Variants in TAX1BP1 observed in about 807,000 individuals in gnomAD.
The protein encoded by TAX1BP1 is tax1-binding protein 1.
Under a neutral mutation model 97.7 loss-of-function variants are expected in TAX1BP1, and 62 were observed. That is an observed-to-expected ratio of 0.63 (90% CI 0.52 to 0.78). TAX1BP1 has a LOEUF of 0.78. TAX1BP1 is among the 30% of genes least tolerant of loss of function. The pLI, the probability that TAX1BP1 is intolerant of heterozygous loss-of-function variation, is 0.00. For missense variants in TAX1BP1, 867 were observed against 916.1 expected, an observed-to-expected ratio of 0.95 and a Z score of 0.69; for synonymous variants, 340 against 304.2, an observed-to-expected ratio of 1.12 and a Z score of -1.23.
chr7:27,767,834 G>C (rs1017522146), intron 4 of TAX1BP1, among the ~76,000 whole-genome samples: 12 of 151,942 alleles, frequency 7.9e-5, no homozygotes, highest in Admixed American at 7.9e-4. Context: ...GAAAATTGCT[G>C]TTTCTTAAGT....
intron 5 of TAX1BP1, among the ~76,000 whole-genome samples, chr7:27,779,409 T>C (rs1463944938): frequency 6.6e-6 from 1 of 152,222 alleles, no homozygotes; most frequent in Non-Finnish European, 1.5e-5. Flanking sequence ...TGTTTTTGGA[T>C]TAAGTGTACT....
chr7:27,826,869 C>T (rs1583414797), intron 15 of TAX1BP1, among the ~76,000 whole-genome samples: 1 of 152,298 alleles, frequency 6.6e-6, no homozygotes. Context: ...TGCTTTAACA[C>T]GTGTTAATCC....
intron 8 of TAX1BP1, among the ~76,000 whole-genome samples, chr7:27,789,465 T>C (rs1347251937): frequency 1.3e-5 from 2 of 152,030 alleles, no homozygotes; most frequent in Non-Finnish European, 2.9e-5. Flanking sequence ...TTCTAGTTTA[T>C]TCTTATGTTT....
intron 1 of TAX1BP1, among the ~76,000 whole-genome samples, chr7:27,740,833 G>T (rs994712918): frequency 3.3e-5 from 5 of 152,208 alleles, no homozygotes; most frequent in Non-Finnish European, 7.3e-5. Flanking sequence ...TGAGGGCCGC[G>T]GGCGGAGTTG....
intron 8 of TAX1BP1, among the ~76,000 whole-genome samples, 192 bp from the exon 9 acceptor site, chr7:27,791,814 T>C (rs568007706): frequency 2.0e-5 from 3 of 152,250 alleles, no homozygotes; most frequent in Admixed American, 1.3e-4. Flanking sequence ...ACCAAGTACA[T>C]AGGGTTGTTA....
intron 1 of TAX1BP1, among the ~76,000 whole-genome samples, chr7:27,743,229 G>A (rs1405098830): frequency 6.6e-6 from 1 of 152,250 alleles, no homozygotes; most frequent in African/African-American, 2.4e-5. Flanking sequence ...CAAATTAATA[G>A]ACTGGGGCTT....
chr7:27,761,482 A>T (rs757549517), intron 3 of TAX1BP1, among the ~76,000 whole-genome samples: 3 of 152,200 alleles, frequency 2.0e-5, no homozygotes, highest in Non-Finnish European at 4.4e-5. Flanking sequence ...GTGTCCCACC[A>T]ACTCATCTCT....
At chr7:27,790,383 C>T (rs558597657) in intron 8 of TAX1BP1, among the ~76,000 whole-genome samples, 57 of 151,536 alleles carry the variant, frequency 3.8e-4, no homozygotes, top group African/African-American at 1.2e-3. Flanking sequence ...ATTTATAATC[C>T]GTAGAATAAG....
At chr7:27,786,378 C>T (rs957587583) in intron 7 of TAX1BP1, among the ~76,000 whole-genome samples, 3 of 152,156 alleles carry the variant, frequency 2.0e-5, no homozygotes, top group Non-Finnish European at 4.4e-5. Flanking sequence ...GCCTCAGCCT[C>T]CCAAAGTGCT....
At chr7:27,760,548 A>G (rs1164151379) in intron 3 of TAX1BP1, among the ~76,000 whole-genome samples, 3 of 151,984 alleles carry the variant, frequency 2.0e-5, no homozygotes, top group African/African-American at 4.8e-5. Flanking sequence ...GCCCGCCACC[A>G]TGCCTGGCTA....
In TAX1BP1 at chr7:27,809,589, A is replaced by G. The variant is rs187015445; in HGVS notation, c.1765-6760A>G. Among the ~76,000 whole-genome samples the G allele has an allele frequency of 4.7e-3, 719 of 152,262 alleles. 22 individuals are homozygous for G. Among genetic ancestry groups the G allele is most frequent in the Non-Finnish European group, 7.2e-4 (49 of 68,026 alleles). ...TTTGCAAAAGAACCTAACCTTAACT[A>G]TCTTGTCCATGTGCATGCATTCTCT... is the stretch of plus-strand genomic sequence containing the variant. On this transcript the variant is annotated intron_variant, in intron 13 of 16. Coordinates refer to ENST00000396319, the MANE Select transcript of TAX1BP1 (RefSeq NM_006024.7).
chr7:27,764,940 G>A (rs1475676443), intron 3 of TAX1BP1, among the ~76,000 whole-genome samples: 3 of 101,326 alleles, frequency 3.0e-5, no homozygotes, highest in Non-Finnish European at 4.1e-5. Flanking sequence ...CCTTTTTGTG[G>A]ACTGCTACTT....
At chr7:27,798,489 C>A (rs1261649129) in intron 12 of TAX1BP1, among the ~76,000 whole-genome samples, 1 of 151,712 alleles carries the variant, frequency 6.6e-6, no homozygotes, top group South Asian at 2.1e-4. Flanking sequence ...TATGGTGAAA[C>A]CCTTTCTCTA....
At position 27,795,841 on chromosome 7, in the gene TAX1BP1, G is replaced by A. The variant is rs149049330; in HGVS notation, c.1535-275G>A. 1.7e-4 allele frequency among the ~76,000 whole-genome samples: 26 copies of A among 152,268 alleles called. No homozygotes were observed. The East Asian group carries it at 4.8e-3, about 28-fold the overall frequency. On this transcript the variant is annotated intron_variant, in intron 11 of 16. Coordinates refer to ENST00000396319, the MANE Select transcript of TAX1BP1 (RefSeq NM_006024.7). Reference sequence around the variant, plus strand: ...GCTGGGATTACAGGCATGAGCCACCGTGCCCGGCCGCTTTTTAGCAAATTT... The same window carrying A: ...GCTGGGATTACAGGCATGAGCCACCATGCCCGGCCGCTTTTTAGCAAATTT...
At chr7:27,772,077 A>AT (rs1400813601) in intron 5 of TAX1BP1, 19 of 151,978 alleles carry the variant, frequency 1.3e-4, no homozygotes, top group African/African-American at 3.6e-4. Context: ...TGTGGTGACA[A>AT]TTGTTTATTT....
rs1183837670 is a variant in TAX1BP1, at chr7:27,829,038, C to CT, written c.*210dup. 1 of 440,820 alleles carries CT rather than the reference C, an allele frequency of 2.3e-6. No homozygotes were observed. Among genetic ancestry groups the CT allele is most frequent in the African/African-American group, 2.0e-5 (1 of 49,594 alleles). The allele number at this position is 440,820 out of a possible 1,614,324, so 27.3% of individuals were successfully genotyped here. On this transcript the variant is annotated 3_prime_UTR_variant, in exon 17 of 17. Transcript: ENST00000396319. Reference sequence around the variant, plus strand: ...AAATTTTAATCTCTGTTAATCTTACCTGCTTTAAAAAAAAGTTCTTGTGTG... The same window carrying CT: ...AAATTTTAATCTCTGTTAATCTTACCTTGCTTTAAAAAAAAGTTCTTGTGTG...
chr7:27,764,670 A>G (rs974658836), intron 3 of TAX1BP1, among the ~76,000 whole-genome samples: 1 of 152,046 alleles, frequency 6.6e-6, no homozygotes, highest in Non-Finnish European at 1.5e-5. Flanking sequence ...TTCAGCCACT[A>G]ATTTTAGTAT....
At chr7:27,823,206 T>A (rs1791044455) in intron 15 of TAX1BP1, among the ~76,000 whole-genome samples, 2 of 152,204 alleles carry the variant, frequency 1.3e-5, no homozygotes, top group Admixed American at 6.5e-5. Flanking sequence ...GGAGGAATAC[T>A]GACTAATACT....
At position 27,800,100 on chromosome 7, in the gene TAX1BP1, G is replaced by T. The variant is rs769330451; in HGVS notation, c.1764+10G>T. ...ACAGGACAATTATAAAGTAAGTTTG[G>T]TACTCCTTGTATGTAAACTTAAGGC... On this transcript the variant is annotated intron_variant, in intron 13 of 16. Coordinates refer to ENST00000396319, the MANE Select transcript of TAX1BP1 (RefSeq NM_006024.7). 1.2e-5 allele frequency: 19 copies of T among 1,561,680 alleles called. No individual in the cohort carries two copies. Among genetic ancestry groups the T allele is most frequent in the Non-Finnish European group, 1.6e-5 (19 of 1,156,144 alleles).
Sources: gnomAD v4.1 joint callset for allele counts (sites outside exome capture counted in the v4.1 genomes callset) on GRCh38, gnomAD v4.1.1 for gene constraint, MANE v1.5 for transcripts, NCBI Gene and HGNC (gene_info 2026-07-23, HGNC 2026-07-21) for gene names.